FAT3: variants seen among roughly 807,000 people sequenced by gnomAD.
FAT3 encodes FAT atypical cadherin 3.
A neutral mutation model predicts 310.2 loss-of-function variants in FAT3; 95 were observed. That is an observed-to-expected ratio of 0.31 (90% confidence interval 0.26 to 0.36). The LOEUF is 0.36. Ranked by LOEUF, FAT3 falls within the 10% of genes least tolerant of loss-of-function variation. FAT3 has a pLI of 1.00. For missense variants in FAT3, 5,408 were observed against 5,715.6 expected (o/e 0.95, Z 1.74); for synonymous variants, 2,314 against 2,192.9 (o/e 1.06, Z -1.54).
intron 2 of FAT3, among the ~76,000 whole-genome samples, chr11:92,370,853 A>G (rs1350524816): frequency 6.6e-6 from 1 of 152,210 alleles, no homozygotes; most frequent in Non-Finnish European, 1.5e-5. Flanking sequence ...ACTCAAACAT[A>G]GATAATGATA....
chr11:92,365,973 T>C (rs1949010018), intron 2 of FAT3, among the ~76,000 whole-genome samples: 1 of 152,222 alleles, frequency 6.6e-6, no homozygotes, highest in Non-Finnish European at 1.5e-5. Context: ...AAAGTCAGGA[T>C]TGATCTCAAC....
chr11:92,798,760 C>T lies in FAT3; in HGVS notation c.5747C>T (p.Pro1916Leu), dbSNP rs376261810. Residue 1916 changes from proline (P) to leucine (L), a missense_variant, in exon 10 of 28, where the codon CCT becomes CTT. Around this residue, in one of 5 missense-constraint regions of FAT3, gnomAD observed 4,588 missense variants for 4,809.8 expected, o/e 0.95. Coordinates refer to ENST00000525166, the MANE Select transcript of FAT3 (RefSeq NM_001367949.2). ...ACAGATCCTGACTCTGAGGTACCCC[C>T]TGAACTGACATACAGCCTAATGGAA... ...SATDPDSEVP[P>L]ELTYSLMEGS... 1.2e-6 allele frequency: 2 copies of T among 1,613,706 alleles called. No homozygotes were observed. Among genetic ancestry groups the T allele is most frequent in the African/African-American group, 2.7e-5 (2 of 74,908 alleles).
chr11:92,262,705 T>C (rs1364151966), intron 1 of FAT3, among the ~76,000 whole-genome samples: 4 of 152,104 alleles, frequency 2.6e-5, no homozygotes, highest in Non-Finnish European at 4.4e-5. Context: ...TTAGTACATA[T>C]CTCTTGAGAA....
chr11:92,246,908 T>C (rs1192141245), intron 1 of FAT3, among the ~76,000 whole-genome samples: 1 of 152,018 alleles, frequency 6.6e-6, no homozygotes, highest in African/African-American at 2.4e-5. Context: ...TAATTTAAGA[T>C]GCTCATGAAT....
chr11:92,382,376 T>A (rs1949515960), intron 2 of FAT3, among the ~76,000 whole-genome samples: 1 of 152,204 alleles, frequency 6.6e-6, no homozygotes, highest in South Asian at 2.1e-4. Context: ...CAATATTTTG[T>A]ACAGTTTTCA....
rs186760428 is a variant in FAT3 at position 92,804,737 on chromosome 11, C to T, written c.8897-416C>T. Among the ~76,000 whole-genome samples, 27 of 152,254 alleles carry T rather than the reference C, an allele frequency of 1.8e-4. No homozygotes were observed. In the East Asian group the frequency reaches 5.0e-3, roughly 28 times the overall value. On this transcript the variant is annotated intron_variant, in intron 10 of 27. Coordinates refer to ENST00000525166, the MANE Select transcript of FAT3 (RefSeq NM_001367949.2). ...TCCTTAATAGAACTAACTGCCTTTC[C>T]TTGACTGCATAATCAACGGCTAATG...
chr11:92,626,690 T>C (rs185280842), intron 3 of FAT3, among the ~76,000 whole-genome samples: 13 of 152,208 alleles, frequency 8.5e-5, no homozygotes, highest in African/African-American at 2.4e-4. Flanking sequence ...CATGAGAAAC[T>C]TGAATAATTG....
chr11:92,272,022 A>T (rs528240291), intron 1 of FAT3, among the ~76,000 whole-genome samples: 1 of 152,254 alleles, frequency 6.6e-6, no homozygotes, highest in South Asian at 2.1e-4. Context: ...ATAAGAACTG[A>T]GACCAACTCT....
chr11:92,439,763 A>G (rs1299137912), intron 2 of FAT3, among the ~76,000 whole-genome samples: 2 of 152,024 alleles, frequency 1.3e-5, no homozygotes, highest in South Asian at 2.1e-4. Context: ...AAAAACTTCA[A>G]AAAGGAAAAT....
intron 19 of FAT3, among the ~76,000 whole-genome samples, chr11:92,853,466 T>C (rs1948886705): frequency 6.6e-6 from 1 of 152,140 alleles, no homozygotes; most frequent in Admixed American, 6.5e-5. Context: ...TCGCCCGCAA[T>C]GTGGAGAGCA....
chr11:92,574,559 CA>C (rs891721039), intron 3 of FAT3, among the ~76,000 whole-genome samples: 20 of 152,086 alleles, frequency 1.3e-4, no homozygotes, highest in African/African-American at 4.8e-4. Context: ...GTCCCCATAA[CA>C]GGGGGAGGAA....
intron 13 of FAT3, among the ~76,000 whole-genome samples, chr11:92,812,112 A>C (rs2136216463): frequency 6.6e-6 from 1 of 152,286 alleles, no homozygotes; most frequent in Non-Finnish European, 1.5e-5. Context: ...TTGGTACACT[A>C]ATTTTCATTA....
chr11:92,284,137 G>A (rs558459945), intron 1 of FAT3, among the ~76,000 whole-genome samples: 3 of 152,200 alleles, frequency 2.0e-5, no homozygotes, highest in South Asian at 2.1e-4. Context: ...GCAGAATAAA[G>A]TGCACCTTTA....
intron 3 of FAT3, among the ~76,000 whole-genome samples, chr11:92,644,140 CT>C: frequency 6.6e-6 from 1 of 152,346 alleles, no homozygotes; most frequent in East Asian, 1.9e-4. Context: ...CAGAGCCATC[CT>C]TTTGTCAGGC....
At chr11:92,652,834 C>T (rs991923653) in intron 3 of FAT3, among the ~76,000 whole-genome samples, 3 of 152,206 alleles carry the variant, frequency 2.0e-5, no homozygotes, top group African/African-American at 7.2e-5. Context: ...TTTCCCTTTG[C>T]TTCTGTCCTG....
At chr11:92,460,302 A>C (rs1421073600) in intron 2 of FAT3, among the ~76,000 whole-genome samples, 2 of 152,182 alleles carry the variant, frequency 1.3e-5, no homozygotes, top group East Asian at 3.9e-4. Flanking sequence ...TGAATGAGTG[A>C]TATTCTTCAA....
At chr11:92,745,642 G>A (rs1409171463) in intron 4 of FAT3, among the ~76,000 whole-genome samples, 3 of 148,420 alleles carry the variant, frequency 2.0e-5, no homozygotes, top group Non-Finnish European at 3.0e-5. Context: ...ATTTCCTAAA[G>A]TGCAAAGAAA....
rs574256883 is a variant in FAT3, at chr11:92,876,877, C to T, written c.12128-3854C>T. Among the ~76,000 whole-genome samples the T allele has an allele frequency of 2.0e-5, 3 of 152,312 alleles. No homozygotes were observed. The South Asian group carries it at 6.2e-4, about 32-fold the overall frequency. ...AGATCAAGCTTTATAATCCCAACATCAGTCACTGACAAATTTGAAGAGGAG... is the reference window on the plus strand; with the variant it reads ...AGATCAAGCTTTATAATCCCAACATTAGTCACTGACAAATTTGAAGAGGAG... On this transcript the variant is annotated intron_variant, in intron 22 of 27. Transcript: ENST00000525166.
intron 2 of FAT3, among the ~76,000 whole-genome samples, chr11:92,519,492 A>G (rs1247175952): frequency 1.3e-5 from 2 of 152,142 alleles, no homozygotes; most frequent in African/African-American, 4.8e-5. Flanking sequence ...CTAAGATACA[A>G]TACCAAAACA....
Sources: allele counts gnomAD v4.1 joint callset (sites outside exome capture counted in the v4.1 genomes callset), GRCh38; gene constraint gnomAD v4.1.1; regional missense constraint gnomAD v4.1.1; transcripts MANE v1.5; gene names NCBI Gene and HGNC (gene_info 2026-07-23, HGNC 2026-07-21).